Variants in NLGN1 observed in about 807,000 individuals in gnomAD.
The protein encoded by NLGN1 is neuroligin 1.
NLGN1 carries 12 observed loss-of-function variants against 65.5 expected under a neutral mutation model. That is an observed-to-expected ratio of 0.18 (90% CI 0.12 to 0.30). NLGN1 has a LOEUF of 0.30. NLGN1 is among the 10% of genes least tolerant of loss of function. The pLI, the probability that NLGN1 is intolerant of heterozygous loss-of-function variation, is 1.00. For missense variants in NLGN1, 750 were observed against 1,007.1 expected, an observed-to-expected ratio of 0.74 and a Z score of 3.46; for synonymous variants, 350 against 359.5, an observed-to-expected ratio of 0.97 and a Z score of 0.30.
At chr3:173,397,608 A>G (rs367766372), upstream of NLGN1, among the ~76,000 whole-genome samples, 460 of 147,570 alleles carry the variant, frequency 3.1e-3, 1 homozygote, top group Non-Finnish European at 3.9e-3. Context: ...TCTTGGCCTC[A>G]CTCTCCCGTT....
At chr3:173,479,071 A>C (rs1726796273) in intron 2 of NLGN1, among the ~76,000 whole-genome samples, 1 of 152,178 alleles carries the variant, frequency 6.6e-6, no homozygotes, top group Non-Finnish European at 1.5e-5. Context: ...GAAATAGGTA[A>C]AACAGGATAT....
intron 2 of NLGN1, among the ~76,000 whole-genome samples, chr3:173,566,058 A>G (rs1743603823): frequency 6.6e-6 from 1 of 152,244 alleles, no homozygotes; most frequent in Non-Finnish European, 1.5e-5. Context: ...CTGGGATTAG[A>G]TAAAGACCGG....
intron 3 of NLGN1, among the ~76,000 whole-genome samples, chr3:173,791,066 CAT>C (rs1712605715): frequency 6.6e-6 from 1 of 152,154 alleles, no homozygotes; most frequent in Non-Finnish European, 1.5e-5. Context: ...TGATAACAAA[CAT>C]ATAAGTTGTC....
At chr3:173,802,634 C>T (rs1356703925) in intron 3 of NLGN1, among the ~76,000 whole-genome samples, 1 of 152,100 alleles carries the variant, frequency 6.6e-6, no homozygotes, top group Non-Finnish European at 1.5e-5. Context: ...GACTCGACAT[C>T]ACTGGACATA....
intron 3 of NLGN1, among the ~76,000 whole-genome samples, chr3:173,741,606 C>T (rs1450479672): frequency 2.6e-5 from 4 of 152,114 alleles, no homozygotes; most frequent in African/African-American, 9.6e-5. Flanking sequence ...GACTCTCCTG[C>T]CTCAGCCTTC....
intron 2 of NLGN1, among the ~76,000 whole-genome samples, chr3:173,520,471 C>G (rs970724168): frequency 2.6e-5 from 4 of 152,124 alleles, no homozygotes; most frequent in Non-Finnish European, 5.9e-5. Flanking sequence ...CACTAGAAAA[C>G]AAGTACTGAG....
chr3:174,071,832 G>T (rs148772920), intron 4 of NLGN1, among the ~76,000 whole-genome samples: 1 of 151,920 alleles, frequency 6.6e-6, no homozygotes, highest in Non-Finnish European at 1.5e-5. Flanking sequence ...TTTTCTGACC[G>T]AAACCGTATT....
At chr3:173,724,487 G>A (rs1437802889) in intron 3 of NLGN1, 1 of 211,572 alleles carries the variant, frequency 4.7e-6, no homozygotes, top group Admixed American at 3.9e-5. Flanking sequence ...TGTTACGCAG[G>A]CTGGTCTGGA....
In NLGN1 at chr3:173,747,397, A is replaced by AAT. The variant is rs552063252; in HGVS notation, c.494-60273_494-60272dup. 4.1e-5 allele frequency among the ~76,000 whole-genome samples: 6 copies of AAT among 146,284 alleles called. No individual in the cohort carries two copies. The South Asian group carries it at 1.1e-3, about 26-fold the overall frequency. On this transcript the variant is annotated intron_variant, in intron 3 of 6. Coordinates refer to ENST00000457714, the Ensembl canonical transcript of NLGN1. ...ATATACTTAAAGATATATATATTTA[A>AAT]ATATATATATAATATATTTAGTACA...
intron 4 of NLGN1, among the ~76,000 whole-genome samples, chr3:174,265,767 ATATATATATATATATG>A (rs1031344297): frequency 3.4e-5 from 4 of 116,348 alleles, no homozygotes; most frequent in East Asian, 2.7e-4. Flanking sequence ...AGAAGGCTAT[ATATATATATATATATG>A]TATATATATA....
chr3:173,538,987 C>T (rs554428585), intron 2 of NLGN1, among the ~76,000 whole-genome samples: 23 of 151,880 alleles, frequency 1.5e-4, no homozygotes, highest in Admixed American at 5.9e-4. Context: ...CTGGACAAAC[C>T]ATCAGCCACA....
intron 4 of NLGN1, among the ~76,000 whole-genome samples, chr3:173,877,620 G>A (rs1732386026): frequency 6.6e-6 from 1 of 152,106 alleles, no homozygotes; most frequent in Non-Finnish European, 1.5e-5. Context: ...ATCATAAAGG[G>A]AACCTGGGTG....
intron 4 of NLGN1, among the ~76,000 whole-genome samples, chr3:173,985,019 G>A (rs1382845439): frequency 6.6e-6 from 1 of 152,186 alleles, no homozygotes; most frequent in Non-Finnish European, 1.5e-5. Context: ...TCCAGCCTGG[G>A]CAATAGAGGG....
intron 4 of NLGN1, among the ~76,000 whole-genome samples, chr3:174,159,767 C>A (rs900552783): frequency 6.6e-6 from 1 of 151,704 alleles, no homozygotes; most frequent in Admixed American, 6.6e-5. Flanking sequence ...CACCTGCTAT[C>A]CCTAACCTTT....
At chr3:174,289,067 C>G (rs1752443212), downstream of NLGN1, among the ~76,000 whole-genome samples, 1 of 151,342 alleles carries the variant, frequency 6.6e-6, no homozygotes, top group South Asian at 2.1e-4. Context: ...TGATAAACTT[C>G]TATCTTCATC....
intron 3 of NLGN1, among the ~76,000 whole-genome samples, chr3:173,622,067 C>A (rs745807261): frequency 8.5e-5 from 13 of 152,158 alleles, no homozygotes; most frequent in Non-Finnish European, 1.6e-4. Flanking sequence ...ACTAAAATTT[C>A]TCTATTACTG....
At chr3:173,419,218 T>A (rs1350104546) in intron 1 of NLGN1, among the ~76,000 whole-genome samples, 1 of 151,370 alleles carries the variant, frequency 6.6e-6, no homozygotes, top group Admixed American at 6.6e-5. Flanking sequence ...ACAGACAAAG[T>A]ACATGAGTAT....
At chr3:173,818,373 C>T (rs1186434506) in intron 4 of NLGN1, among the ~76,000 whole-genome samples, 5 of 152,116 alleles carry the variant, frequency 3.3e-5, no homozygotes. Flanking sequence ...GGTTTCAGCA[C>T]AGTTTTATGA....
intron 4 of NLGN1, among the ~76,000 whole-genome samples, chr3:174,265,114 A>G (rs1196002773): frequency 1.3e-5 from 2 of 151,484 alleles, no homozygotes; most frequent in African/African-American, 4.9e-5. Flanking sequence ...AAGTCTGCAG[A>G]GGTTATTGCT....
Sources: gnomAD v4.1 joint callset for allele counts (sites outside exome capture counted in the v4.1 genomes callset) on GRCh38, gnomAD v4.1.1 for gene constraint, MANE v1.5 for transcripts, NCBI Gene and HGNC (gene_info 2026-07-23, HGNC 2026-07-21) for gene names.